Variants in SFRP1 observed in about 807,000 individuals in gnomAD.
SFRP1 encodes the protein secreted frizzled related protein 1.
A neutral mutation model predicts 25.9 loss-of-function variants in SFRP1; 9 were observed. The observed-to-expected ratio is 0.35, with a 90% CI of 0.21 to 0.61. SFRP1 has a LOEUF of 0.61. Among genes scored for constraint, SFRP1 ranks in the 20% least tolerant of loss-of-function variants. The pLI, the probability that SFRP1 is intolerant of heterozygous loss-of-function variation, is 0.78. For synonymous variants in SFRP1, 178 were observed against 174.0 expected, an observed-to-expected ratio of 1.02 and a Z score of -0.18; for missense variants, 346 against 418.2, an observed-to-expected ratio of 0.83 and a Z score of 1.51.
Position 41,265,372 on chromosome 8 carries a change from A to T in SFRP1, c.740T>A (p.Val247Glu). Residue 247 changes from valine (V) to glutamate (E), a missense_variant, in exon 3 of 3, where the codon GTG becomes GAG. Val to Glu is a moderately radical substitution (Grantham distance 121). Transcript: ENST00000220772. The stretch of plus-strand genomic sequence containing the variant: ...GTCAGCCCCATTCTTCAGGTACAGC[A>T]CAAGCTTCTTCAGGTCCTTCTTCTT... ...PIKKKDLKKL[V>E]LYLKNGADCP... 6.2e-7 allele frequency: 1 copy of T among 1,614,026 alleles called. No individual in the cohort carries two copies. The highest frequency in any genetic ancestry group is 8.5e-7 in the Non-Finnish European group (1 of 1,180,036).
chr8:41,287,484 G>A (rs1803719832), intron 2 of SFRP1, among the ~76,000 whole-genome samples: 1 of 152,188 alleles, frequency 6.6e-6, no homozygotes, highest in African/African-American at 2.4e-5. Context: ...TGGCCCCGAT[G>A]CATCCATCCC....
intron 2 of SFRP1, among the ~76,000 whole-genome samples, chr8:41,289,145 G>A (rs1205448809): frequency 2.6e-5 from 4 of 152,230 alleles, no homozygotes; most frequent in African/African-American, 9.6e-5. Flanking sequence ...GTGAAGGCCA[G>A]TGTTCCCAGG....
Position 41,263,125 on chromosome 8 carries a change from C to T in SFRP1, c.*2042G>A, listed in dbSNP as rs1803394497. ...AGAGAGGGCCCGGTTGCATGAGGCA[C>T]TTTGTCAAAATGAGCAGATACGTAT... On this transcript the variant is annotated 3_prime_UTR_variant, in exon 3 of 3. Transcript: ENST00000220772. 2 of 152,610 alleles carry T rather than the reference C, an allele frequency of 1.3e-5. No individual in the cohort carries two copies. The highest frequency in any genetic ancestry group is 4.8e-5 in the African/African-American group (2 of 41,444). The allele number at this position is 152,610 out of a possible 1,614,324, so 9.5% of individuals were successfully genotyped here.
rs528106120 is a variant in SFRP1, at chr8:41,304,476, C to T, written c.545-938G>A. The stretch of plus-strand genomic sequence containing the variant: ...TTATCGACTGTCTAGGAAAACATCA[C>T]GAGCACATTCTAGGGGCACCCCACC... On this transcript the variant is annotated intron_variant, in intron 1 of 2. Coordinates refer to ENST00000220772, the MANE Select transcript of SFRP1 (RefSeq NM_003012.5). 7.9e-5 allele frequency among the ~76,000 whole-genome samples: 12 copies of T among 152,180 alleles called. No individual in the cohort carries two copies. In the East Asian group the frequency reaches 1.9e-3, roughly 25 times the overall value.
chr8:41,273,156 T>C (rs1463200158), intron 2 of SFRP1, among the ~76,000 whole-genome samples: 1 of 152,242 alleles, frequency 6.6e-6, no homozygotes, highest in Non-Finnish European at 1.5e-5. Flanking sequence ...AACTACTCAA[T>C]GATGTGCTCT....
intron 2 of SFRP1, among the ~76,000 whole-genome samples, chr8:41,276,185 C>A (rs1803570362): frequency 6.6e-6 from 1 of 152,206 alleles, no homozygotes; most frequent in African/African-American, 2.4e-5. Flanking sequence ...TGCTCAGATA[C>A]CAAAGCCTCA....
chr8:41,309,154 G>T lies in SFRP1; in HGVS notation c.6C>A (p.Gly2=). The T allele has an allele frequency of 7.2e-7, 1 of 1,398,052 alleles. No homozygotes were observed. The highest frequency in any genetic ancestry group is 9.2e-7 in the Non-Finnish European group (1 of 1,090,376). The allele number at this position is 1,398,052 out of a possible 1,614,324, so 86.6% of individuals were successfully genotyped here. A position where few individuals can be genotyped will look rare whatever the true frequency, so the allele number is the denominator to read the frequency against. Residue 2 remains glycine, a synonymous_variant, in exon 1 of 3, where the codon GGC becomes GGA. Transcript: ENST00000220772. ...GGCGGCCCCCCTCGCTGCGCCCGAT[G>T]CCCATGCCGGCTCTGCGCCCTGTTC... M[G]IGRSEGGRRG... is the part of the protein sequence containing the mutation.
intron 2 of SFRP1, among the ~76,000 whole-genome samples, chr8:41,294,801 A>T (rs1167965034): frequency 6.6e-6 from 1 of 152,096 alleles, no homozygotes; most frequent in African/African-American, 2.4e-5. Context: ...ATGCACCGAG[A>T]TCCCAACCCC....
Position 41,264,605 on chromosome 8 carries a change from GGA to G in SFRP1, c.*560_*561del, listed in dbSNP as rs1416260899. ...CCCTTTGCTGTCACTATTACATAAT[GGA>G]CTTGCACTTTTCCTCCCTGCACTTA... is the stretch of plus-strand genomic sequence containing the variant. On this transcript the variant is annotated 3_prime_UTR_variant, in exon 3 of 3. Coordinates refer to ENST00000220772, the MANE Select transcript of SFRP1 (RefSeq NM_003012.5). The G allele has an allele frequency of 6.5e-6, 1 of 152,798 alleles. No individual in the cohort carries two copies. Among genetic ancestry groups the G allele is most frequent in the East Asian group, 1.9e-4 (1 of 5,198 alleles). 9.5% of individuals were successfully genotyped at this position (152,798 alleles called of 1,614,324 possible).
chr8:41,289,056 CAATG>C (rs1420661068), intron 2 of SFRP1, among the ~76,000 whole-genome samples: 6 of 152,216 alleles, frequency 3.9e-5, no homozygotes, highest in Non-Finnish European at 7.3e-5. Context: ...CTCAACCCTT[CAATG>C]AATGCGTCCA....
At chr8:41,274,536 G>A (rs565736318) in intron 2 of SFRP1, among the ~76,000 whole-genome samples, 5 of 152,262 alleles carry the variant, frequency 3.3e-5, no homozygotes, top group African/African-American at 9.6e-5. Context: ...GAAAGACAGT[G>A]CAAGAGAGAT....
At chr8:41,266,421 T>C (rs1385305982) in intron 2 of SFRP1, among the ~76,000 whole-genome samples, 1 of 152,076 alleles carries the variant, frequency 6.6e-6, no homozygotes, top group Non-Finnish European at 1.5e-5. Flanking sequence ...CAAAAAATCC[T>C]GAGTGTTTTT....
At chr8:41,299,933 G>A (rs1169965125) in intron 2 of SFRP1, among the ~76,000 whole-genome samples, 3 of 152,148 alleles carry the variant, frequency 2.0e-5, no homozygotes, top group South Asian at 4.1e-4. Context: ...CTCCCACCAG[G>A]TAAAACACGG....
At chr8:41,269,747 T>C (rs1407698183) in intron 2 of SFRP1, among the ~76,000 whole-genome samples, 3 of 152,034 alleles carry the variant, frequency 2.0e-5, no homozygotes, top group Non-Finnish European at 4.4e-5. Flanking sequence ...ACCAGTCCTG[T>C]GGAATGGCTG....
chr8:41,280,564 G>C (rs979913517), intron 2 of SFRP1, among the ~76,000 whole-genome samples: 7 of 152,198 alleles, frequency 4.6e-5, no homozygotes, highest in Non-Finnish European at 8.8e-5. Context: ...CTACACACAA[G>C]TCACGGGGCA....
At chr8:41,265,648 C>T (rs1019429943) in intron 2 of SFRP1, among the ~76,000 whole-genome samples, 159 bp from the exon 3 acceptor site, 51 of 152,012 alleles carry the variant, frequency 3.4e-4, no homozygotes, top group African/African-American at 1.2e-3. Context: ...ATTTTAGATT[C>T]AGGGGCACAG....
Position 41,263,788 on chromosome 8 carries a change from T to G in SFRP1, c.*1379A>C, listed in dbSNP as rs1289664930. The G allele has an allele frequency of 6.6e-6, 1 of 152,240 alleles. No homozygotes were observed. Among genetic ancestry groups the G allele is most frequent in the Non-Finnish European group, 1.5e-5 (1 of 68,048 alleles). The allele number at this position is 152,240 out of a possible 1,614,324, so 9.4% of individuals were successfully genotyped here. Reference sequence around the variant, plus strand: ...CTTGGGAAAAACTGCAGAGATGTTTTGCTTTTGAAACTCTCTCGCTGGATG... The same window carrying G: ...CTTGGGAAAAACTGCAGAGATGTTTGGCTTTTGAAACTCTCTCGCTGGATG... On this transcript the variant is annotated 3_prime_UTR_variant, in exon 3 of 3. Coordinates refer to ENST00000220772, the MANE Select transcript of SFRP1 (RefSeq NM_003012.5).
intron 2 of SFRP1, among the ~76,000 whole-genome samples, chr8:41,285,289 G>A (rs760292435): frequency 2.0e-5 from 3 of 151,926 alleles, no homozygotes; most frequent in East Asian, 1.9e-4. Context: ...CAGGACTCCC[G>A]ACTTCCTGGA....
chr8:41,302,798 C>G (rs1000786950), intron 2 of SFRP1, among the ~76,000 whole-genome samples: 1 of 151,862 alleles, frequency 6.6e-6, no homozygotes, highest in African/African-American at 2.4e-5. Flanking sequence ...CTCCCCCTGG[C>G]CCCCACCAGC....
Sources: allele counts gnomAD v4.1 joint callset (sites outside exome capture counted in the v4.1 genomes callset), GRCh38; gene constraint gnomAD v4.1.1; transcripts MANE v1.5; gene names NCBI Gene and HGNC (gene_info 2026-07-23, HGNC 2026-07-21).